The following NAALAD2 variants were observed in gnomAD, a reference collection of about 807,000 sequenced individuals.
The protein encoded by NAALAD2 is N-acetylated-alpha-linked acidic dipeptidase 2.
A neutral mutation model predicts 95.6 loss-of-function variants in NAALAD2; 89 were observed. The ratio of observed to expected loss-of-function variants is 0.93; its 90% CI spans 0.78 to 1.11. The LOEUF is 1.11. Ranked by LOEUF, NAALAD2 falls within the 50% of genes least tolerant of loss-of-function variation. The pLI is 0.00. For missense variants in NAALAD2, 894 were observed against 872.4 expected, an observed-to-expected ratio of 1.02 and a Z score of -0.31; for synonymous variants, 264 against 294.4, an observed-to-expected ratio of 0.90 and a Z score of 1.06.
At chr11:90,156,798 A>G (rs1952130347) in intron 6 of NAALAD2, among the ~76,000 whole-genome samples, 1 of 152,170 alleles carries the variant, frequency 6.6e-6, no homozygotes, top group Admixed American at 6.5e-5. Flanking sequence ...TGTGTTGCCT[A>G]GGCTGAGTGT....
chr11:90,153,023 T>C (rs1468826061), intron 6 of NAALAD2, among the ~76,000 whole-genome samples: 1 of 152,148 alleles, frequency 6.6e-6, no homozygotes, highest in Non-Finnish European at 1.5e-5. Context: ...TCCCAACTCT[T>C]CCTTCCCACT....
Position 90,150,603 on chromosome 11 carries a change from A to T in NAALAD2, c.605A>T (p.Asn202Ile), listed in dbSNP as rs1273161471. ...IARYGKIFRG[N>I]KVKNAMLAGA... The stretch of plus-strand genomic sequence containing the variant: ...AGATATGGAAAAATCTTCAGAGGAA[A>T]TAAAGTACAGTATTATTTGTTTTTC... Residue 202 changes from asparagine to isoleucine, a missense_variant, in exon 5 of 19, where the codon AAT becomes ATT. Asn to Ile is a moderately radical substitution (Grantham distance 149). Transcript: ENST00000534061. The T allele has an allele frequency of 6.3e-7, 1 of 1,588,952 alleles. No individual in the cohort carries two copies. The highest frequency in any genetic ancestry group is 8.6e-7 in the Non-Finnish European group (1 of 1,159,090).
chr11:90,149,257 A>G, intron 4 of NAALAD2, 150 bp downstream of exon 4: 1 of 393,826 alleles, frequency 2.5e-6, no homozygotes, highest in Non-Finnish European at 4.6e-6. Flanking sequence ...TCATCCCTCA[A>G]ATTAAAAAAA....
At chr11:90,141,467 T>C (rs1407209414) in intron 2 of NAALAD2, among the ~76,000 whole-genome samples, 1 of 152,218 alleles carries the variant, frequency 6.6e-6, no homozygotes, top group East Asian at 1.9e-4. Context: ...TCATTTTCTT[T>C]GGAGCAAATG....
chr11:90,178,968 T>G (rs1952887719), intron 16 of NAALAD2, among the ~76,000 whole-genome samples: 1 of 152,168 alleles, frequency 6.6e-6, no homozygotes, highest in South Asian at 2.1e-4. Flanking sequence ...AGGATTGAGT[T>G]TGGAAGTGGT....
rs753739062 is a variant in NAALAD2, at chr11:90,191,628, A to G, written c.2104A>G (p.Ile702Val). Residue 702 changes from isoleucine (I) to valine (V), a missense_variant, in exon 19 of 19, where the codon ATC becomes GTC. Physicochemically the swap from Ile to Val is conservative, Grantham distance 29. Coordinates refer to ENST00000534061, the MANE Select transcript of NAALAD2 (RefSeq NM_005467.4). ...ATCATTTCCTGGAATCTATGATGCT[A>G]TCTTTGATATTGAAAATAAAGCCAA... is the stretch of plus-strand genomic sequence containing the variant. ...GESFPGIYDA[I>V]FDIENKANSR... 6.2e-7 allele frequency: 1 copy of G among 1,607,946 alleles called. No individual in the cohort carries two copies. The highest frequency in any genetic ancestry group is 1.7e-5 in the Admixed American group (1 of 59,268).
intron 2 of NAALAD2, among the ~76,000 whole-genome samples, chr11:90,139,219 G>T (rs1310788376): frequency 6.6e-6 from 1 of 151,992 alleles, no homozygotes; most frequent in Non-Finnish European, 1.5e-5. Flanking sequence ...GGTTTCTGTT[G>T]TCCAGGCCTT....
intron 18 of NAALAD2, among the ~76,000 whole-genome samples, chr11:90,186,989 A>C (rs1311953362): frequency 2.7e-5 from 4 of 150,656 alleles, no homozygotes; most frequent in African/African-American, 9.8e-5. Context: ...AGAAAAAAAC[A>C]ACCCCATCAA....
At chr11:90,168,506 C>CTAAAA (rs963065577) in intron 11 of NAALAD2, among the ~76,000 whole-genome samples, 1 of 151,886 alleles carries the variant, frequency 6.6e-6, no homozygotes, top group Non-Finnish European at 1.5e-5. Context: ...GTCTCTGTCT[C>CTAAAA]TAAAATAAAA....
chr11:90,191,713 A>G lies in NAALAD2; in HGVS notation c.2189A>G (p.Gln730Arg). The change falls in exon 19 of 19, where the codon CAA becomes CGA. Residue 730 changes from glutamine to arginine, a missense_variant. Gln to Arg is a conservative substitution (Grantham distance 43, BLOSUM62 1). Coordinates refer to ENST00000534061, the MANE Select transcript of NAALAD2 (RefSeq NM_005467.4). ...ATTTCTATTGCAGCTTTTACAATTC[A>G]AGCAGCAGCAGGAACTCTGAAAGAA... ...KHISIAAFTI[Q>R]AAAGTLKEVL is the part of the protein sequence containing the mutation. 1 of 1,594,022 alleles carries G rather than the reference A, an allele frequency of 6.3e-7. No individual in the cohort carries two copies. The highest frequency in any genetic ancestry group is 8.5e-7 in the Non-Finnish European group (1 of 1,170,782).
chr11:90,138,645 C>T (rs1248106248), intron 2 of NAALAD2, among the ~76,000 whole-genome samples: 1 of 148,070 alleles, frequency 6.8e-6, no homozygotes, highest in African/African-American at 2.5e-5. Context: ...TCCATCAAAT[C>T]GTCTTCTGTT....
intron 6 of NAALAD2, among the ~76,000 whole-genome samples, chr11:90,157,782 G>T (rs893756545): frequency 6.6e-6 from 1 of 151,658 alleles, no homozygotes; most frequent in African/African-American, 2.4e-5. Context: ...GTGCAGTGGC[G>T]TGATCTCGGG....
At chr11:90,177,783 GCT>G in intron 15 of NAALAD2, 68 bp from the exon 16 acceptor site, 3 of 1,390,232 alleles carry the variant, frequency 2.2e-6, no homozygotes, top group Non-Finnish European at 2.9e-6. Flanking sequence ...TTATTTTTAT[GCT>G]TACATAAAAA....
rs534567554 is a variant in NAALAD2 at position 90,147,340 on chromosome 11, A to G, written c.205A>G (p.Lys69Glu). ...NIKSFLRSFT[K>E]LPHLAGTEQN... ...TTATTTTCATTTTAGTTCTTTTACA[A>G]AGCTTCCTCATCTGGCAGGAACAGA... The change falls in exon 3 of 19, where the codon AAG (lysine) becomes GAG (glutamate). Residue 69 changes from lysine (K) to glutamate (E), a missense_variant. Coordinates refer to ENST00000534061, the MANE Select transcript of NAALAD2 (RefSeq NM_005467.4). 16 of 1,612,640 alleles carry G rather than the reference A, an allele frequency of 9.9e-6. No individual in the cohort carries two copies. The Admixed American group carries it at 2.5e-4, about 25-fold the overall frequency.
rs554759718 is a variant in NAALAD2 at position 90,189,657 on chromosome 11, T to C, written c.2034-1901T>C. Among the ~76,000 whole-genome samples, 270 of 151,998 alleles carry C rather than the reference T, an allele frequency of 1.8e-3. 1 individual carries two copies. Among genetic ancestry groups the C allele is most frequent in the Non-Finnish European group, 2.0e-3 (134 of 67,976 alleles). On this transcript the variant is annotated intron_variant, in intron 18 of 18. Coordinates refer to ENST00000534061, the MANE Select transcript of NAALAD2 (RefSeq NM_005467.4). ...GGTGGTAGGCACCTGTAATTCCAGCTACTCGGGAGGCTGAGGCAGGAGAAT... is the reference window on the plus strand; with the variant it reads ...GGTGGTAGGCACCTGTAATTCCAGCCACTCGGGAGGCTGAGGCAGGAGAAT...
intron 15 of NAALAD2, among the ~76,000 whole-genome samples, chr11:90,176,298 G>T (rs1179163589): frequency 1.3e-5 from 2 of 152,138 alleles, no homozygotes; most frequent in African/African-American, 4.8e-5. Context: ...AGTAATGCCA[G>T]ACACTTATCT....
chr11:90,190,673 T>TA (rs1011279161), intron 18 of NAALAD2, among the ~76,000 whole-genome samples: 3 of 152,084 alleles, frequency 2.0e-5, no homozygotes, highest in Non-Finnish European at 1.5e-5. Flanking sequence ...ATTTTAATTT[T>TA]AAAAAAATCC....
chr11:90,187,009 G>A (rs544108858), intron 18 of NAALAD2, among the ~76,000 whole-genome samples: 90 of 151,306 alleles, frequency 5.9e-4, no homozygotes, highest in South Asian at 2.9e-3. Flanking sequence ...AAAAGTGGGC[G>A]AAGGACATGA....
intron 11 of NAALAD2, among the ~76,000 whole-genome samples, chr11:90,166,285 A>G (rs886836262): frequency 7.9e-5 from 12 of 151,866 alleles, no homozygotes; most frequent in African/African-American, 2.7e-4. Flanking sequence ...TTTTTCTTTA[A>G]TCTGTGTCTG....
Sources: allele counts gnomAD v4.1 joint callset (sites outside exome capture counted in the v4.1 genomes callset), GRCh38; gene constraint gnomAD v4.1.1; transcripts MANE v1.5; gene names NCBI Gene and HGNC (gene_info 2026-07-23, HGNC 2026-07-21).